The following FANCA variants were observed in gnomAD, a reference collection of about 807,000 sequenced individuals.
FANCA encodes the protein FA complementation group A, also known as Fanconi anemia group A protein.
A neutral mutation model predicts 194.3 loss-of-function variants in FANCA; 236 were observed. The observed-to-expected ratio is 1.21, with a 90% confidence interval of 1.09 to 1.35. The LOEUF (loss-of-function observed/expected upper bound fraction) is 1.35, where lower values mean the gene tolerates loss of function less well. Ranked by LOEUF, FANCA falls within the 40% of genes most tolerant of loss-of-function variation. FANCA has a pLI of 0.00. For missense variants in FANCA, 2,628 were observed against 1,813.9 expected (o/e 1.45, Z -8.15); for synonymous variants, 1,014 against 715.8 (o/e 1.42, Z -6.65).
chr16:89,745,411 CCT>C (rs1555536572), intron 35 of FANCA, among the ~76,000 whole-genome samples: 1 of 135,340 alleles, frequency 7.4e-6, no homozygotes, highest in Non-Finnish European at 1.6e-5. Context: ...GGACCACACT[CCT>C]CTGAGCTGGG....
Position 89,750,501 on chromosome 16 carries a change from A to AAAAAAAC in FANCA, c.3067-600_3067-599insGTTTTTT, listed in dbSNP as rs1289505609. Among the ~76,000 whole-genome samples the AAAAAAAC allele has an allele frequency of 2.1e-4, 31 of 145,696 alleles. 1 individual carries two copies. Among genetic ancestry groups the AAAAAAAC allele is most frequent in the East Asian group, 1.3e-3 (6 of 4,476 alleles). ...CCGTCTCAAAAAAAAACAAACAAAA[A>AAAAAAAC]AAAACAGCCAGGTATGGTGGCTCAC... On this transcript the variant is annotated intron_variant, in intron 31 of 42. Transcript: ENST00000389301.
intron 36 of FANCA, 112 bp downstream of exon 36, chr16:89,744,847 G>A (rs966535459): frequency 1.0e-5 from 10 of 969,410 alleles, no homozygotes; most frequent in Middle Eastern, 2.1e-4. Flanking sequence ...GCTCACACGA[G>A]AGGCTGCCCA....
chr16:89,794,817 G>T (rs549020567), intron 11 of FANCA, among the ~76,000 whole-genome samples: 30 of 152,156 alleles, frequency 2.0e-4, no homozygotes, highest in Admixed American at 2.0e-3. Flanking sequence ...TGGGTAACAG[G>T]ACACCCACTG....
chr16:89,760,404 C>T (rs2038912937), intron 29 of FANCA, among the ~76,000 whole-genome samples: 1 of 152,178 alleles, frequency 6.6e-6, no homozygotes, highest in Non-Finnish European at 1.5e-5. Flanking sequence ...CAGGTGCAGG[C>T]GACAGTGCTG....
At chr16:89,765,999 A>AT (rs541701073) in intron 27 of FANCA, among the ~76,000 whole-genome samples, 1,687 of 144,108 alleles carry the variant, frequency 0.012, 37 homozygotes, top group African/African-American at 0.039. Flanking sequence ...TTATTTATTT[A>AT]TTTTTTTTTT....
At chr16:89,799,126 C>G (rs1190212089) in intron 10 of FANCA, 40 bp downstream of exon 10, 1 of 1,614,062 alleles carries the variant, frequency 6.2e-7, no homozygotes, top group African/African-American at 1.3e-5. Flanking sequence ...GCAGACACCT[C>G]CCTGCTGCAC....
rs1312632206 is a variant in FANCA, at chr16:89,764,931, G to A, written c.2737C>T (p.His913Tyr). 1 of 1,614,100 alleles carries A rather than the reference G, an allele frequency of 6.2e-7. No homozygotes were observed. The highest frequency in any genetic ancestry group is 8.5e-7 in the Non-Finnish European group (1 of 1,180,044). The stretch of plus-strand genomic sequence containing the variant: ...TTCAACACCTCTCGGAAGGTTCTGT[G>A]TGTCCAGAGAGAGAGGGCAGCTCTC... The part of the protein sequence containing the change: ...WQRAALSLWT[H>Y]RTFREVLKEE... The change falls in exon 28 of 43, where the codon CAC becomes TAC. Residue 913 changes from histidine (H) to tyrosine (Y), a missense_variant. Coordinates refer to ENST00000389301, the MANE Select transcript of FANCA (RefSeq NM_000135.4).
chr16:89,778,520 C>T (rs1226900543), intron 20 of FANCA: 6 of 397,320 alleles, frequency 1.5e-5, no homozygotes, highest in Non-Finnish European at 2.3e-5. Context: ...CCCAGCTACT[C>T]AGGAGGCTGA....
intron 36 of FANCA, among the ~76,000 whole-genome samples, chr16:89,744,160 G>C (rs184017396): frequency 6.6e-6 from 1 of 152,334 alleles, no homozygotes; most frequent in East Asian, 1.9e-4. Context: ...CTCCCAAAGT[G>C]CTGGGATTAC....
At chr16:89,744,520 C>A (rs2062201059) in intron 36 of FANCA, among the ~76,000 whole-genome samples, 2 of 152,040 alleles carry the variant, frequency 1.3e-5, no homozygotes, top group African/African-American at 4.8e-5. Flanking sequence ...ATGACACTGA[C>A]CCTACCAGCA....
At chr16:89,753,732 A>G (rs1390902122) in intron 30 of FANCA, among the ~76,000 whole-genome samples, 2 of 152,098 alleles carry the variant, frequency 1.3e-5, no homozygotes, top group Non-Finnish European at 2.9e-5. Flanking sequence ...TCCTCTCTAC[A>G]CTCAGAACAG....
intron 28 of FANCA, 44 bp from the exon 29 acceptor site, chr16:89,762,066 C>T (rs17233246): frequency 2.8e-6 from 4 of 1,442,896 alleles, no homozygotes; most frequent in South Asian, 1.1e-5. Context: ...GGACAGAACA[C>T]ACAATCCACC....
At chr16:89,765,134 C>A (rs1306411905) in intron 27 of FANCA, 68 bp from the exon 28 acceptor site, 55 of 1,572,816 alleles carry the variant, frequency 3.5e-5, no homozygotes, top group Non-Finnish European at 4.8e-5. Flanking sequence ...TGAGCAAATG[C>A]TCAGGTGGAA....
At chr16:89,806,037 A>G (rs6500455) in intron 6 of FANCA, among the ~76,000 whole-genome samples, 2 of 151,868 alleles carry the variant, frequency 1.3e-5, no homozygotes, top group Non-Finnish European at 2.9e-5. Flanking sequence ...CTCAGCCTCC[A>G]CAACGGCTGG....
intron 27 of FANCA, among the ~76,000 whole-genome samples, chr16:89,766,907 C>T (rs910356989): frequency 1.3e-5 from 2 of 152,172 alleles, no homozygotes; most frequent in Admixed American, 1.3e-4. Context: ...CTTCACTTTA[C>T]ACTCAGAGAA....
At chr16:89,781,735 C>A (rs2039714177) in intron 17 of FANCA, among the ~76,000 whole-genome samples, 2 of 149,438 alleles carry the variant, frequency 1.3e-5, no homozygotes, top group African/African-American at 4.9e-5. Context: ...CATGGTGGCT[C>A]ACGCCTGTAA....
chr16:89,799,359 C>A, intron 9 of FANCA, 127 bp from the exon 10 acceptor site: 1 of 1,104,014 alleles, frequency 9.1e-7, no homozygotes, highest in Non-Finnish European at 1.3e-6. Flanking sequence ...TCCATCAAGA[C>A]TTCTACAATC....
At chr16:89,778,871 T>G (rs763569030) in intron 19 of FANCA, 21 bp from the exon 20 acceptor site, 2 of 1,612,392 alleles carry the variant, frequency 1.2e-6, no homozygotes, top group Non-Finnish European at 1.7e-6. Flanking sequence ...AGAAGAGACC[T>G]GTGAGAGACT....
intron 6 of FANCA, among the ~76,000 whole-genome samples, chr16:89,805,916 C>T (rs1254284900): frequency 6.7e-6 from 1 of 149,202 alleles, no homozygotes; most frequent in Non-Finnish European, 1.5e-5. Context: ...TGGCCTGAAC[C>T]TTTTTTTTTT....
Sources: allele counts gnomAD v4.1 joint callset (sites outside exome capture counted in the v4.1 genomes callset), GRCh38; gene constraint gnomAD v4.1.1; transcripts MANE v1.5; gene names NCBI Gene and HGNC (gene_info 2026-07-23, HGNC 2026-07-21).